LRCH3: variants seen among roughly 807,000 people sequenced by gnomAD.
The protein encoded by LRCH3 is leucine rich repeats and calponin homology domain containing 3, also known as DISP complex protein LRCH3.
Under a neutral mutation model 104.5 loss-of-function variants are expected in LRCH3, and 68 were observed. The observed-to-expected ratio is 0.65, with a 90% CI of 0.54 to 0.80. LRCH3 has a LOEUF of 0.80. LRCH3 is among the 30% of genes least tolerant of loss of function. LRCH3 has a pLI of 0.00. For missense variants in LRCH3, 951 were observed against 953.9 expected (o/e 1.00, Z 0.04); for synonymous variants, 344 against 361.3 (o/e 0.95, Z 0.54).
At chr3:197,868,819 G>A (rs1417491928) in intron 17 of LRCH3, among the ~76,000 whole-genome samples, 1 of 152,204 alleles carries the variant, frequency 6.6e-6, no homozygotes, top group Non-Finnish European at 1.5e-5. Context: ...TCAGGGTGCG[G>A]TTTTGAGCAC....
chr3:197,794,690 C>T (rs7636119), intron 1 of LRCH3, among the ~76,000 whole-genome samples: 5,479 of 152,184 alleles, frequency 0.036, 164 homozygotes, highest in African/African-American at 0.077. Context: ...TTTCTTGGGA[C>T]TTTCTGTGCT....
At chr3:197,803,915 A>G (rs1560522762) in intron 1 of LRCH3, among the ~76,000 whole-genome samples, 6 of 152,210 alleles carry the variant, frequency 3.9e-5, no homozygotes. Flanking sequence ...AATTTAACCC[A>G]TATGATATGG....
At chr3:197,862,810 C>G (rs1381695889) in intron 15 of LRCH3, among the ~76,000 whole-genome samples, 1 of 152,150 alleles carries the variant, frequency 6.6e-6, no homozygotes, top group Non-Finnish European at 1.5e-5. Flanking sequence ...TTACTTGCAT[C>G]TATAAACCCG....
chr3:197,796,816 T>C (rs1048302179), intron 1 of LRCH3, among the ~76,000 whole-genome samples: 1 of 152,234 alleles, frequency 6.6e-6, no homozygotes. Context: ...TCAATAATTA[T>C]ACCGACAAGT....
intron 20 of LRCH3, chr3:197,881,735 G>A: frequency 1.0e-6 from 1 of 985,398 alleles, no homozygotes; most frequent in African/African-American, 1.7e-5. Context: ...GGAACCTTCT[G>A]AACTCTGTTA....
intron 1 of LRCH3, among the ~76,000 whole-genome samples, chr3:197,794,252 A>G (rs762754202): frequency 2.6e-5 from 4 of 152,222 alleles, no homozygotes; most frequent in Non-Finnish European, 4.4e-5. Context: ...CCACTGTACC[A>G]TGCAACCTCT....
At chr3:197,808,636 G>T (rs1250958970) in intron 1 of LRCH3, among the ~76,000 whole-genome samples, 1 of 152,172 alleles carries the variant, frequency 6.6e-6, no homozygotes, top group African/African-American at 2.4e-5. Context: ...GTTGGGCCAG[G>T]CGCAGTGGCT....
intron 1 of LRCH3, among the ~76,000 whole-genome samples, chr3:197,797,216 C>T (rs1460270860): frequency 6.6e-6 from 1 of 150,400 alleles, no homozygotes; most frequent in Non-Finnish European, 1.5e-5. Flanking sequence ...GTAATCGCAG[C>T]TACTTGGGAG....
chr3:197,871,903 A>G (rs111552475), intron 19 of LRCH3, among the ~76,000 whole-genome samples: 333 of 152,326 alleles, frequency 2.2e-3, no homozygotes, highest in African/African-American at 4.8e-3. Flanking sequence ...TGGATCGTGC[A>G]CAGGGTTGTA....
intron 8 of LRCH3, among the ~76,000 whole-genome samples, chr3:197,833,644 A>G (rs998460198): frequency 2.0e-5 from 3 of 152,218 alleles, no homozygotes; most frequent in Non-Finnish European, 4.4e-5. Context: ...TAAAATAGTA[A>G]TATTTTGCAT....
Position 197,830,915 on chromosome 3 carries a change from GA to G in LRCH3, c.981+54del, listed in dbSNP as rs1231230267. The G allele has an allele frequency of 2.1e-6, 3 of 1,411,554 alleles. No homozygotes were observed. The South Asian group carries it at 3.5e-5, about 16-fold the overall frequency. 87.4% of individuals were successfully genotyped at this position (1,411,554 alleles called of 1,614,324 possible). A position where few individuals can be genotyped will look rare whatever the true frequency, so the allele number is the denominator to read the frequency against. On this transcript the variant is annotated intron_variant, in intron 7 of 20. Transcript: ENST00000425562. ...TATAACACCTGATTAAGAGAAAACA[GA>G]ATGATGAAAATGAAAAGCGTCTTAA...
chr3:197,820,565 CTT>C, intron 4 of LRCH3, 135 bp downstream of exon 4: 1 of 619,608 alleles, frequency 1.6e-6, no homozygotes, highest in East Asian at 2.9e-5. Flanking sequence ...AATGCCAACA[CTT>C]TGGGAGGCCG....
chr3:197,869,527 C>G (rs1479192199), intron 17 of LRCH3, among the ~76,000 whole-genome samples: 1 of 145,636 alleles, frequency 6.9e-6, no homozygotes, highest in African/African-American at 2.6e-5. Context: ...AAGCCGTGCA[C>G]TGTACCTGCA....
In LRCH3 at chr3:197,866,121, C is replaced by G; in HGVS notation, c.1775C>G (p.Ser592Cys). Residue 592 changes from serine (S) to cysteine (C), a missense_variant, in exon 17 of 21, where the codon TCC becomes TGC. By Grantham distance (112) the Ser-to-Cys change is moderately radical. Transcript: ENST00000425562. ...TTTCATGCTAATTTAGTTCATCATTCCCCTGCATATTCTTTTCCTGCTGCT... is the reference window on the plus strand; with the variant it reads ...TTTCATGCTAATTTAGTTCATCATTGCCCTGCATATTCTTTTCCTGCTGCT... Reference protein sequence around the residue: ...SSPATETVHHSPAYSFPAAIQ... With the variant: ...SSPATETVHHCPAYSFPAAIQ... 2 of 1,611,690 alleles carry G rather than the reference C, an allele frequency of 1.2e-6. No homozygotes were observed. Among genetic ancestry groups the G allele is most frequent in the African/African-American group, 1.3e-5 (1 of 74,964 alleles).
At chr3:197,850,815 T>C in intron 12 of LRCH3, 1 of 1,172,836 alleles carries the variant, frequency 8.5e-7, no homozygotes, top group South Asian at 1.2e-5. Flanking sequence ...ATCTTTCAGA[T>C]ACTTCGTGGC....
rs757979847 is a variant in LRCH3 at position 197,832,224 on chromosome 3, C to T, written c.1009C>T (p.Leu337Phe). 4.3e-6 allele frequency: 7 copies of T among 1,612,928 alleles called. No individual in the cohort carries two copies. Among genetic ancestry groups the T allele is most frequent in the East Asian group, 2.2e-5 (1 of 44,870 alleles). Reference protein sequence around the residue: ...EPTDEFSDLPLRVAEITKEQR... With the variant: ...EPTDEFSDLPFRVAEITKEQR... The stretch of plus-strand genomic sequence containing the variant: ...TACAGATGAATTTTCAGATCTGCCT[C>T]TTCGAGTAGCAGAGATTACTAAAGA... The change falls in exon 8 of 21, where the codon CTT becomes TTT. Residue 337 changes from leucine (L) to phenylalanine (F), a missense_variant. Leu to Phe is a conservative substitution (Grantham distance 22). Transcript: ENST00000425562.
At chr3:197,880,112 AT>A (rs1210442847) in intron 20 of LRCH3, among the ~76,000 whole-genome samples, 6 of 150,278 alleles carry the variant, frequency 4.0e-5, no homozygotes, top group Admixed American at 1.3e-4. Context: ...CGCCCGGCTA[AT>A]TTTTTGTATT....
chr3:197,840,310 C>A (rs1304328000), intron 10 of LRCH3, among the ~76,000 whole-genome samples: 1 of 152,084 alleles, frequency 6.6e-6, no homozygotes, highest in Non-Finnish European at 1.5e-5. Flanking sequence ...TGGTGGCACA[C>A]GCCTGTAATT....
At chr3:197,838,451 TTTCTTGGAAGTAGATGG>T (rs890285440) in intron 9 of LRCH3, among the ~76,000 whole-genome samples, 7 of 145,770 alleles carry the variant, frequency 4.8e-5, no homozygotes, top group African/African-American at 1.9e-4. Context: ...GTAGATGCTA[TTTCTTGGAAGTAGATGG>T]TAAGTAGTTT....
Sources: allele counts gnomAD v4.1 joint callset (sites outside exome capture counted in the v4.1 genomes callset), GRCh38; gene constraint gnomAD v4.1.1; transcripts MANE v1.5; gene names NCBI Gene and HGNC (gene_info 2026-07-23, HGNC 2026-07-21).